The following ARHGAP29 variants were observed in gnomAD, a reference collection of about 807,000 sequenced individuals.
The protein encoded by ARHGAP29 is Rho GTPase activating protein 29, also known as rho GTPase-activating protein 29.
A neutral mutation model predicts 122.6 loss-of-function variants in ARHGAP29; 43 were observed. The observed-to-expected ratio is 0.35, with a 90% confidence interval of 0.27 to 0.45. ARHGAP29 has a LOEUF of 0.45. Ranked by LOEUF, ARHGAP29 falls within the 20% of genes least tolerant of loss-of-function variation. ARHGAP29 has a pLI of 1.00. For missense variants in ARHGAP29, 1,303 were observed against 1,477.2 expected, an observed-to-expected ratio of 0.88 and a Z score of 1.93; for synonymous variants, 506 against 497.1, an observed-to-expected ratio of 1.02 and a Z score of -0.24.
intron 1 of ARHGAP29, among the ~76,000 whole-genome samples, chr1:94,264,636 C>T (rs1256727570): frequency 6.6e-6 from 1 of 152,098 alleles, no homozygotes; most frequent in African/African-American, 2.4e-5. Context: ...TCATCTCGGC[C>T]TGCCTTATTA....
chr1:94,236,951 G>T (rs2101628774), intron 1 of ARHGAP29, among the ~76,000 whole-genome samples: 1 of 152,218 alleles, frequency 6.6e-6, no homozygotes, highest in African/African-American at 2.4e-5. Flanking sequence ...AAAGCGCCTG[G>T]GTTTAGGTCC....
Position 94,220,348 on chromosome 1 carries a change from G to C in ARHGAP29, c.250C>G (p.Arg84Gly), listed in dbSNP as rs374838820. 7.4e-6 allele frequency: 12 copies of C among 1,611,086 alleles called. No individual in the cohort carries two copies. The highest frequency in any genetic ancestry group is 1.0e-5 in the Non-Finnish European group (12 of 1,177,724). ...VIHIRLEELLRVLKSIMNKHQ... is the reference protein window; with the variant it reads ...VIHIRLEELLGVLKSIMNKHQ... The stretch of plus-strand genomic sequence containing the variant: ...TTATTCATTATAGACTTTAAAACAC[G>C]GAGCAGTTCCTCTAGACGTATATGA... Residue 84 changes from arginine to glycine, a missense_variant, in exon 3 of 23, where the codon CGT becomes GGT. Coordinates refer to ENST00000260526, the MANE Select transcript of ARHGAP29 (RefSeq NM_004815.4).
chr1:94,269,423 T>A (rs1553216979), intron 1 of ARHGAP29, among the ~76,000 whole-genome samples: 1 of 152,190 alleles, frequency 6.6e-6, no homozygotes, highest in South Asian at 2.1e-4. Context: ...AGTTAGGAGA[T>A]ACTAATAGTC....
intron 1 of ARHGAP29, among the ~76,000 whole-genome samples, chr1:94,268,330 A>G (rs568851930): frequency 6.6e-6 from 1 of 152,026 alleles, no homozygotes; most frequent in African/African-American, 2.4e-5. Flanking sequence ...CTATTCTGCA[A>G]GCTTCTACCT....
intron 18 of ARHGAP29, 27 bp from the exon 19 acceptor site, chr1:94,184,315 C>G (rs1304029325): frequency 1.3e-6 from 2 of 1,562,800 alleles, no homozygotes; most frequent in African/African-American, 1.4e-5. Flanking sequence ...AAAAATTTTG[C>G]AAAATTCTTC....
chr1:94,268,061 C>T, intron 1 of ARHGAP29, among the ~76,000 whole-genome samples: 1 of 152,000 alleles, frequency 6.6e-6, no homozygotes, highest in East Asian at 1.9e-4. Context: ...TTCTGATAAA[C>T]AAAAAAACTA....
rs547945310 is a variant in ARHGAP29, at chr1:94,260,702, C to T, written c.-33+14310G>A. Among the ~76,000 whole-genome samples the T allele has an allele frequency of 7.2e-5, 11 of 152,132 alleles. No homozygotes were observed. In the East Asian group the frequency reaches 7.7e-4, roughly 11 times the overall value. Reference sequence around the variant, plus strand: ...GAAAAAGAAACCATGTGATAGCAGGCGCCATTAGTGAGCTGAGGCCATGAG... The same window carrying T: ...GAAAAAGAAACCATGTGATAGCAGGTGCCATTAGTGAGCTGAGGCCATGAG... On this transcript the variant is annotated intron_variant and NMD_transcript_variant, in intron 1 of 25. Coordinates refer to the ARHGAP29 transcript ENST00000552844.
At position 94,269,602 on chromosome 1, in the gene ARHGAP29, G is replaced by A. The variant is rs921996694; in HGVS notation, c.-33+5410C>T. On this transcript the variant is annotated intron_variant and NMD_transcript_variant, in intron 1 of 25. Coordinates refer to the ARHGAP29 transcript ENST00000552844. ...TTAATATATTTTAATAACAATGATG[G>A]TAAGGAAAAGACAGTTTACAGAATA... is the stretch of plus-strand genomic sequence containing the variant. Among the ~76,000 whole-genome samples, 2 of 151,982 alleles carry A rather than the reference G, an allele frequency of 1.3e-5. 1 individual carries two copies.
chr1:94,297,432 G>A, the ARHGAP29 span, among the ~76,000 whole-genome samples: 1 of 152,314 alleles, frequency 6.6e-6, no homozygotes, highest in African/African-American at 2.4e-5. Context: ...GCACTTATGT[G>A]AGCTGGGCAC....
At chr1:94,202,434 G>A (rs1390364420) in intron 11 of ARHGAP29, 110 bp downstream of exon 11, 2 of 1,340,706 alleles carry the variant, frequency 1.5e-6, no homozygotes, top group Non-Finnish European at 2.1e-6. Flanking sequence ...GCTTAGCCAT[G>A]TTTTAACATG....
rs55712972 is a variant in ARHGAP29 at position 94,172,612 on chromosome 1, G to GATATATATATATATAT, written c.*1241_*1256dup. On this transcript the variant is annotated 3_prime_UTR_variant, in exon 23 of 23. Transcript: ENST00000260526. Reference sequence around the variant, plus strand: ...GGAACATGAAATAATTTAACAAGTTGATATATATATATATATATATTATCA... The same window carrying GATATATATATATATAT: ...GGAACATGAAATAATTTAACAAGTTGATATATATATATATATATATATATATATATATATATTATCA... 9.7e-5 allele frequency: 14 copies of GATATATATATATATAT among 145,072 alleles called. No individual in the cohort carries two copies. Among genetic ancestry groups the GATATATATATATATAT allele is most frequent in the Admixed American group, 8.3e-4 (12 of 14,432 alleles). 9.0% of individuals were successfully genotyped at this position (145,072 alleles called of 1,614,324 possible). A position where few individuals can be genotyped will look rare whatever the true frequency, so the allele number is the denominator to read the frequency against.
chr1:94,296,238 G>A, the ARHGAP29 span, among the ~76,000 whole-genome samples: 1 of 152,110 alleles, frequency 6.6e-6, no homozygotes, highest in African/African-American at 2.4e-5. Context: ...GCATATCCAC[G>A]CTATTTATGC....
chr1:94,206,292 C>T (rs550959795), intron 5 of ARHGAP29, among the ~76,000 whole-genome samples: 5 of 152,224 alleles, frequency 3.3e-5, no homozygotes, highest in Admixed American at 6.5e-5. Context: ...ACATGTGACT[C>T]GTGCTACTTT....
At position 94,177,966 on chromosome 1, in the gene ARHGAP29, A is replaced by G. The variant is rs772174619; in HGVS notation, c.2682T>C (p.Asp894=). 3 of 1,614,144 alleles carry G rather than the reference A, an allele frequency of 1.9e-6. No homozygotes were observed. Residue 894 remains aspartate (D), a synonymous_variant, in exon 21 of 23, where the codon GAT becomes GAC. Transcript: ENST00000260526. ...CAACAACACCTATGCTACACATAAC[A>G]TCTTGTGGTTGTAGGGACCCATCGA... ...KIFDGSLQPQ[D]VMCSIGVVDQ...
chr1:94,303,197 A>G, the ARHGAP29 span, among the ~76,000 whole-genome samples: 3 of 152,182 alleles, frequency 2.0e-5, no homozygotes, highest in African/African-American at 7.2e-5. Flanking sequence ...ACCTTGTCAG[A>G]TAACATTAAT....
chr1:94,168,946 C>T lies in ARHGAP29; in HGVS notation c.*4923G>A, dbSNP rs1648543481. ...TTTAATCTATTTTCTGAACTGCATG[C>T]TTATTTTATGGATGCAGAGTAGATT... On this transcript the variant is annotated 3_prime_UTR_variant, in exon 23 of 23. Coordinates refer to ENST00000260526, the MANE Select transcript of ARHGAP29 (RefSeq NM_004815.4). Among the ~76,000 whole-genome samples, 1 of 152,120 alleles carries T rather than the reference C, an allele frequency of 6.6e-6. No homozygotes were observed. The highest frequency in any genetic ancestry group is 1.5e-5 in the Non-Finnish European group (1 of 68,012).
intron 3 of ARHGAP29, among the ~76,000 whole-genome samples, chr1:94,216,657 T>C (rs1037533445): frequency 1.3e-5 from 2 of 152,158 alleles, no homozygotes; most frequent in Admixed American, 1.3e-4. Context: ...TTAAGACTTA[T>C]TTTTCTTTTT....
Position 94,177,673 on chromosome 1 carries a change from T to C in ARHGAP29, c.2844A>G (p.Thr948=), listed in dbSNP as rs61758881. The C allele has an allele frequency of 2.5e-6, 4 of 1,613,724 alleles. No homozygotes were observed. The highest frequency in any genetic ancestry group is 1.1e-5 in the South Asian group (1 of 90,974). The change falls in exon 22 of 23, where the codon ACA becomes ACG. Residue 948 remains threonine (T), a synonymous_variant. Coordinates refer to ENST00000260526, the MANE Select transcript of ARHGAP29 (RefSeq NM_004815.4). ...ESESKIFERA[T]SFEESERKQN... is the part of the protein sequence containing the mutation. ...GCTTGCGTTCTGATTCCTCAAATGA[T>C]GTAGCTCGTTCAAAAATTTTGCTTT...
chr1:94,298,527 T>C, the ARHGAP29 span, among the ~76,000 whole-genome samples: 2 of 152,238 alleles, frequency 1.3e-5, no homozygotes, highest in African/African-American at 2.4e-5. Context: ...TCAATTTCTC[T>C]CTTTTGGTTT....
Sources: allele counts gnomAD v4.1 joint callset (sites outside exome capture counted in the v4.1 genomes callset), GRCh38; gene constraint gnomAD v4.1.1; transcripts MANE v1.5; gene names NCBI Gene and HGNC (gene_info 2026-07-23, HGNC 2026-07-21).